DOCK10: variants seen among roughly 807,000 people sequenced by gnomAD.
DOCK10 encodes the protein dedicator of cytokinesis 10.
DOCK10 carries 145 observed loss-of-function variants against 280.1 expected under a neutral mutation model. The ratio of observed to expected loss-of-function variants is 0.52; its 90% CI spans 0.45 to 0.59. DOCK10 has a LOEUF of 0.59. Ranked by LOEUF, DOCK10 falls within the 20% of genes least tolerant of loss-of-function variation. The probability of loss-of-function intolerance (pLI) is 0.00; values close to 1 mark genes in which losing one functional copy is unlikely to be tolerated. For missense variants in DOCK10, 2,368 were observed against 2,651.7 expected (o/e 0.89, Z 2.35); for synonymous variants, 915 against 942.2 (o/e 0.97, Z 0.53).
intron 17 of DOCK10, 54 bp downstream of exon 17, chr2:224,852,881 A>G (rs1696842822): frequency 1.4e-6 from 2 of 1,419,812 alleles, no homozygotes; most frequent in Non-Finnish European, 1.9e-6. Flanking sequence ...ACTATCTTAT[A>G]TGGTCTAAAT....
At chr2:224,945,438 A>G (rs1302060536) in intron 1 of DOCK10, among the ~76,000 whole-genome samples, 1 of 152,102 alleles carries the variant, frequency 6.6e-6, no homozygotes, top group Non-Finnish European at 1.5e-5. Context: ...TTAGAGCTAC[A>G]TTTAATGTGA....
intron 40 of DOCK10, among the ~76,000 whole-genome samples, chr2:224,801,706 CAT>C (rs1168391713): frequency 6.6e-6 from 1 of 152,112 alleles, no homozygotes; most frequent in Non-Finnish European, 1.5e-5. Flanking sequence ...CTATGCTAAA[CAT>C]ATGATATTGA....
chr2:225,019,494 T>C (rs204249), intron 1 of DOCK10, among the ~76,000 whole-genome samples: 110,666 of 149,378 alleles, frequency 0.74, 41,789 homozygotes, highest in Middle Eastern at 0.88. Flanking sequence ...AAGCCAACCC[T>C]ACTTTGGTGT....
intron 3 of DOCK10, among the ~76,000 whole-genome samples, chr2:224,902,958 T>C (rs950861576): frequency 3.3e-5 from 5 of 150,196 alleles, no homozygotes; most frequent in South Asian, 2.1e-4. Flanking sequence ...ATTAGCCGGT[T>C]GTGGTGGCAG....
At chr2:224,845,979 C>A (rs1183852565) in intron 19 of DOCK10, among the ~76,000 whole-genome samples, 1 of 152,228 alleles carries the variant, frequency 6.6e-6, no homozygotes, top group African/African-American at 2.4e-5. Context: ...CCGCCTTGGC[C>A]TCCCAAAGTG....
At chr2:224,961,468 T>TTCTTTCTTTC (rs10672849) in intron 1 of DOCK10, among the ~76,000 whole-genome samples, 3,124 of 66,622 alleles carry the variant, frequency 0.047, 111 homozygotes, top group East Asian at 0.065. Flanking sequence ...CTTTCTTTCT[T>TTCTTTCTTTC]TTTCTTTCTT....
chr2:224,887,374 A>G (rs978209848), intron 4 of DOCK10, among the ~76,000 whole-genome samples: 2 of 152,210 alleles, frequency 1.3e-5, no homozygotes, highest in Admixed American at 6.5e-5. Context: ...AGGGACTGGT[A>G]GCAATTACAC....
intron 1 of DOCK10, among the ~76,000 whole-genome samples, chr2:225,022,305 G>C (rs1349424267): frequency 2.0e-5 from 3 of 152,288 alleles, no homozygotes; most frequent in African/African-American, 7.2e-5. Context: ...TCTTGAGCAA[G>C]TTACTCAACC....
At chr2:224,790,526 A>T (rs189017817) in intron 47 of DOCK10, among the ~76,000 whole-genome samples, 187 of 152,334 alleles carry the variant, frequency 1.2e-3, no homozygotes, top group African/African-American at 4.4e-3. Flanking sequence ...TAATCAGCTC[A>T]TTGGTTATGT....
chr2:224,968,217 T>C (rs1278289580), intron 1 of DOCK10, among the ~76,000 whole-genome samples: 1 of 152,224 alleles, frequency 6.6e-6, no homozygotes, highest in African/African-American at 2.4e-5. Flanking sequence ...GAAAATGGTA[T>C]GTTCAGTATT....
chr2:224,892,427 G>GA (rs58114938), intron 4 of DOCK10, among the ~76,000 whole-genome samples: 59 of 93,950 alleles, frequency 6.3e-4, no homozygotes, highest in Middle Eastern at 6.0e-3. Flanking sequence ...AAAAAAGAAA[G>GA]AAAGAAAAGA....
At chr2:224,835,881 C>A (rs1695560923) in intron 25 of DOCK10, among the ~76,000 whole-genome samples, 1 of 152,144 alleles carries the variant, frequency 6.6e-6, no homozygotes. Context: ...AGATAATCTC[C>A]TGTATTATAA....
chr2:225,031,701 C>T (rs1019158523), intron 1 of DOCK10, among the ~76,000 whole-genome samples: 1 of 152,220 alleles, frequency 6.6e-6, no homozygotes, highest in East Asian at 1.9e-4. Flanking sequence ...GGTGCTGACA[C>T]GGCCTGGCAC....
At chr2:224,960,102 T>A (rs1704277220) in intron 1 of DOCK10, among the ~76,000 whole-genome samples, 1 of 152,202 alleles carries the variant, frequency 6.6e-6, no homozygotes, top group African/African-American at 2.4e-5. Flanking sequence ...TTGAGAGGAA[T>A]GATATATAAA....
intron 41 of DOCK10, among the ~76,000 whole-genome samples, chr2:224,799,628 C>T (rs182677735): frequency 1.3e-5 from 2 of 152,322 alleles, no homozygotes; most frequent in East Asian, 3.9e-4. Flanking sequence ...ATTTCGCATT[C>T]CCACTGTCAA....
chr2:224,981,542 T>C (rs1705748163), intron 1 of DOCK10, among the ~76,000 whole-genome samples: 1 of 152,198 alleles, frequency 6.6e-6, no homozygotes, highest in African/African-American at 2.4e-5. Flanking sequence ...GAAAGAACTC[T>C]ACCCTCAAAT....
At chr2:224,885,540 T>C in intron 7 of DOCK10, 131 bp downstream of exon 7, 1 of 890,096 alleles carries the variant, frequency 1.1e-6, no homozygotes, top group Non-Finnish European at 1.5e-6. Flanking sequence ...AGATCCAGGC[T>C]GCCTTGTTTT....
Position 225,042,226 on chromosome 2 carries a change from A to C in DOCK10, c.123+26T>G. 1 of 1,239,138 alleles carries C rather than the reference A, an allele frequency of 8.1e-7. No individual in the cohort carries two copies. Among genetic ancestry groups the C allele is most frequent in the Non-Finnish European group, 1.0e-6 (1 of 992,678 alleles). The allele number at this position is 1,239,138 out of a possible 1,614,324, so 76.8% of individuals were successfully genotyped here. A position where few individuals can be genotyped will look rare whatever the true frequency, so the allele number is the denominator to read the frequency against. ...CCCCGGGCGCCTGGGGCGCGCGGGA[A>C]GGCGCGGAGGACGCGCCGCACTCAC... On this transcript the variant is annotated intron_variant, in intron 1 of 55. Transcript: ENST00000258390. The surrounding 1 kb of genome is among the most constrained non-coding windows in gnomAD (Gnocchi z 5.1).
intron 1 of DOCK10, among the ~76,000 whole-genome samples, chr2:224,979,855 GAA>G (rs1428606924): frequency 6.6e-6 from 1 of 151,878 alleles, no homozygotes; most frequent in Non-Finnish European, 1.5e-5. Flanking sequence ...TATAGGAGAG[GAA>G]AAGAGACACA....
Sources: allele counts gnomAD v4.1 joint callset (sites outside exome capture counted in the v4.1 genomes callset), GRCh38; gene constraint gnomAD v4.1.1; non-coding constraint Gnocchi (gnomAD v3.1); transcripts MANE v1.5; gene names NCBI Gene and HGNC (gene_info 2026-07-23, HGNC 2026-07-21).